Variants in CAMSAP1 observed in about 807,000 individuals in gnomAD.
CAMSAP1 encodes calmodulin regulated spectrin associated protein 1, also known as calmodulin-regulated spectrin-associated protein 1.
Under a neutral mutation model 143.5 loss-of-function variants are expected in CAMSAP1, and 58 were observed. The ratio of observed to expected loss-of-function variants is 0.40; its 90% confidence interval spans 0.33 to 0.50. CAMSAP1 has a LOEUF of 0.50. Among genes scored for constraint, CAMSAP1 ranks in the 20% least tolerant of loss-of-function variants. The pLI is 0.45. For missense variants in CAMSAP1, 1,969 were observed against 2,115.7 expected (o/e 0.93, Z 1.36); for synonymous variants, 945 against 859.3 (o/e 1.10, Z -1.74).
At chr9:135,825,768 TC>T (rs142308432) in intron 8 of CAMSAP1, among the ~76,000 whole-genome samples, 16,771 of 152,008 alleles carry the variant, frequency 0.11, 1,282 homozygotes, top group Non-Finnish European at 0.17. Flanking sequence ...GCTGGGGAGA[TC>T]ACAGGGGACA....
intron 3 of CAMSAP1, 85 bp downstream of exon 3, chr9:135,881,548 G>C (rs1837949124): frequency 2.1e-6 from 3 of 1,446,432 alleles, no homozygotes; most frequent in South Asian, 1.3e-5. Context: ...GTCTCAGCGT[G>C]ACAGACAAGG....
chr9:135,849,029 T>G (rs1009298886), intron 7 of CAMSAP1, among the ~76,000 whole-genome samples: 1 of 152,220 alleles, frequency 6.6e-6, no homozygotes, highest in Non-Finnish European at 1.5e-5. Context: ...CAAATATATC[T>G]GGAGGATATA....
chr9:135,901,963 C>T (rs1348532501), intron 1 of CAMSAP1, among the ~76,000 whole-genome samples: 1 of 152,194 alleles, frequency 6.6e-6, no homozygotes, highest in Admixed American at 6.5e-5. Flanking sequence ...AGCTGCCCTC[C>T]CCTCTGCTCT....
intron 5 of CAMSAP1, among the ~76,000 whole-genome samples, chr9:135,854,733 C>T (rs567373363): frequency 1.3e-5 from 2 of 152,302 alleles, no homozygotes; most frequent in Non-Finnish European, 2.9e-5. Context: ...GAATTACAGG[C>T]ATGAGCTACC....
chr9:135,881,781 G>A lies in CAMSAP1; in HGVS notation c.437C>T (p.Ala146Val). ...GGCCATCATCAGGGCATCCACCATT[G>A]CCATGTGGGCACTCTAGGGGCAGAG... ...RAPIKMSAHM[A>V]MVDALMMAYT... The change falls in exon 3 of 17, where the codon GCA (alanine) becomes GTA (valine). Residue 146 changes from alanine (A) to valine (V), a missense_variant. Ala to Val is a moderately conservative substitution (Grantham distance 64). Coordinates refer to ENST00000389532, the MANE Select transcript of CAMSAP1 (RefSeq NM_015447.4). 1 of 1,552,004 alleles carries A rather than the reference G, an allele frequency of 6.4e-7. No homozygotes were observed. Among genetic ancestry groups the A allele is most frequent in the African/African-American group, 1.4e-5 (1 of 73,134 alleles).
chr9:135,880,926 T>C (rs12550997), intron 3 of CAMSAP1, among the ~76,000 whole-genome samples: 31,411 of 152,174 alleles, frequency 0.21, 3,574 homozygotes, highest in Non-Finnish European at 0.25. Context: ...AGCTTCTAAA[T>C]GTAAAAGGAG....
intron 7 of CAMSAP1, among the ~76,000 whole-genome samples, chr9:135,844,587 G>C (rs887759962): frequency 2.0e-5 from 3 of 152,120 alleles, no homozygotes; most frequent in Non-Finnish European, 2.9e-5. Flanking sequence ...CCAGGAGCTG[G>C]TTTTTTGAAA....
chr9:135,821,707 T>C lies in CAMSAP1; in HGVS notation c.2954A>G (p.His985Arg). 1.2e-6 allele frequency: 2 copies of C among 1,614,054 alleles called. No homozygotes were observed. The highest frequency in any genetic ancestry group is 1.1e-5 in the South Asian group (1 of 91,082). The change falls in exon 11 of 17, where the codon CAT becomes CGT. Residue 985 changes from histidine (H) to arginine (R), a missense_variant. By Grantham distance (29) the His-to-Arg change is conservative. Around this residue, in one of 4 missense-constraint regions of CAMSAP1, gnomAD observed 1,390 missense variants for 1,420.8 expected, o/e 0.98. Transcript: ENST00000389532. The surrounding 1 kb of genome is among the most constrained non-coding windows in gnomAD (Gnocchi z 4.6). ...DKESLAFAQQHKAKDPVALHE... is the reference protein window; with the variant it reads ...DKESLAFAQQRKAKDPVALHE... ...CAGAGCCACAGGGTCTTTTGCTTTA[T>C]GTTGCTGAGCAAAGGCCAGGCTCTC... is the stretch of plus-strand genomic sequence containing the variant.
chr9:135,843,177 A>G (rs953537089), intron 7 of CAMSAP1, among the ~76,000 whole-genome samples: 3 of 151,952 alleles, frequency 2.0e-5, no homozygotes, highest in Admixed American at 6.6e-5. Context: ...AAAATACAAA[A>G]TTAGCCAGGT....
chr9:135,819,010 C>T lies in CAMSAP1; in HGVS notation c.3959G>A (p.Arg1320Gln), dbSNP rs1297274068. 5 of 1,605,674 alleles carry T rather than the reference C, an allele frequency of 3.1e-6. No individual in the cohort carries two copies. Among genetic ancestry groups the T allele is most frequent in the Non-Finnish European group, 4.2e-6 (5 of 1,178,918 alleles). ...AEVELKRDEARRKAEEDRVRK... is the reference protein window; with the variant it reads ...AEVELKRDEAQRKAEEDRVRK... ...CTTTCCCCCCCGGCGGGACGCTTAC[C>T]GGGCTTCGTCACGCTTGAGCTCCAC... is the stretch of plus-strand genomic sequence containing the variant. The change falls in exon 12 of 17, where the codon CGG becomes CAG. Residue 1320 changes from arginine (R) to glutamine (Q), a missense_variant and splice_region_variant. Physicochemically the swap from Arg to Gln is conservative, Grantham distance 43. Transcript: ENST00000389532.
rs146310810 is a variant in CAMSAP1, at chr9:135,827,446, C to T, written c.1184G>A (p.Cys395Tyr). The change falls in exon 8 of 17, where the codon TGT becomes TAT. Residue 395 changes from cysteine to tyrosine, a missense_variant. Around this residue, in one of 4 missense-constraint regions of CAMSAP1, gnomAD observed 1,390 missense variants for 1,420.8 expected, o/e 0.98. Coordinates refer to ENST00000389532, the MANE Select transcript of CAMSAP1 (RefSeq NM_015447.4). ...TTCCGGGTGCAGGTAGTGCCTGTGA[C>T]AGCCTTCCGCCGGCAGCTGCACGGG... ...QPPVQLPAEG[C>Y]HRHYLHPEEP... 33 of 1,594,846 alleles carry T rather than the reference C, an allele frequency of 2.1e-5. No individual in the cohort carries two copies. In the African/African-American group the frequency reaches 4.0e-4, roughly 19 times the overall value.
At position 135,811,070 on chromosome 9, in the gene CAMSAP1, A is replaced by AG; in HGVS notation, c.*238dup. On this transcript the variant is annotated 3_prime_UTR_variant, in exon 17 of 17. Coordinates refer to ENST00000389532, the MANE Select transcript of CAMSAP1 (RefSeq NM_015447.4). The surrounding 1 kb of genome is among the most constrained non-coding windows in gnomAD (Gnocchi z 4.9). Reference sequence around the variant, plus strand: ...CCACAGCAGTGCGAGCCACTGCAAAAGCGGCATCTACTCCCCCATCCTCAC... The same window carrying AG: ...CCACAGCAGTGCGAGCCACTGCAAAAGGCGGCATCTACTCCCCCATCCTCAC... The AG allele has an allele frequency of 1.8e-6, 1 of 558,520 alleles. No individual in the cohort carries two copies. The highest frequency in any genetic ancestry group is 2.1e-5 in the South Asian group (1 of 47,244). The allele number at this position is 558,520 out of a possible 1,614,324, so 34.6% of individuals were successfully genotyped here. A position where few individuals can be genotyped will look rare whatever the true frequency, so the allele number is the denominator to read the frequency against.
intron 8 of CAMSAP1, 23 bp downstream of exon 8, chr9:135,827,384 T>TGAAAGCA: frequency 6.8e-7 from 1 of 1,471,168 alleles, no homozygotes; most frequent in South Asian, 1.4e-5. Context: ...GAACTGATTC[T>TGAAAGCA]GAAAGCAGAA....
chr9:135,867,475 C>CCCACT (rs1491489651), intron 3 of CAMSAP1, among the ~76,000 whole-genome samples: 1 of 145,262 alleles, frequency 6.9e-6, no homozygotes, highest in Non-Finnish European at 1.5e-5. Flanking sequence ...CAAGACCCCC[C>CCCACT]TCTTTTTTTT....
At chr9:135,894,371 C>A (rs1838383189) in intron 1 of CAMSAP1, among the ~76,000 whole-genome samples, 1 of 152,210 alleles carries the variant, frequency 6.6e-6, no homozygotes, top group Non-Finnish European at 1.5e-5. Context: ...GGGGCGGACA[C>A]CGGCACAGGA....
chr9:135,829,902 G>C (rs1485324018), intron 7 of CAMSAP1, among the ~76,000 whole-genome samples: 1 of 149,332 alleles, frequency 6.7e-6, no homozygotes, highest in Non-Finnish European at 1.5e-5. Context: ...AATAAGTTAT[G>C]TTAACAATTA....
rs567718206 is a variant in CAMSAP1 at position 135,821,652 on chromosome 9, G to T, written c.3009C>A (p.Ser1003=). 2 of 1,614,048 alleles carry T rather than the reference G, an allele frequency of 1.2e-6. No homozygotes were observed. Among genetic ancestry groups the T allele is most frequent in the Admixed American group, 3.3e-5 (2 of 60,034 alleles). The change falls in exon 11 of 17, where the codon TCC becomes TCA. Residue 1003 remains serine, a synonymous_variant. Coordinates refer to ENST00000389532, the MANE Select transcript of CAMSAP1 (RefSeq NM_015447.4). The surrounding 1 kb of genome is among the most constrained non-coding windows in gnomAD (Gnocchi z 4.6). ...LHELERNKVI[S]AALLEDTVGE... is the part of the protein sequence containing the mutation. Reference sequence around the variant, plus strand: ...CAACAGTGTCCTCCAGGAGGGCAGCGGAGATCACCTTATTTCTCTCCAGCT... The same window carrying T: ...CAACAGTGTCCTCCAGGAGGGCAGCTGAGATCACCTTATTTCTCTCCAGCT...
chr9:135,836,415 T>C (rs1836041817), intron 7 of CAMSAP1: 1 of 983,158 alleles, frequency 1.0e-6, no homozygotes, highest in South Asian at 4.7e-5. Context: ...TCTACTCCGT[T>C]CTACAGACAC....
intron 7 of CAMSAP1, among the ~76,000 whole-genome samples, chr9:135,841,682 C>T (rs990301269): frequency 6.6e-6 from 1 of 152,256 alleles, no homozygotes; most frequent in Non-Finnish European, 1.5e-5. Context: ...TGTTCTGCAA[C>T]CTCTGCTGGT....
Sources: gnomAD v4.1 joint callset for allele counts (sites outside exome capture counted in the v4.1 genomes callset) on GRCh38, gnomAD v4.1.1 for gene constraint, gnomAD v4.1.1 regional missense constraint, Gnocchi (gnomAD v3.1) non-coding constraint, MANE v1.5 for transcripts, NCBI Gene and HGNC (gene_info 2026-07-23, HGNC 2026-07-21) for gene names.